Variants in GRIA3 observed in about 807,000 individuals in gnomAD.
GRIA3 encodes glutamate ionotropic receptor AMPA type subunit 3, also known as glutamate receptor 3.
Under a neutral mutation model 63.0 loss-of-function variants are expected in GRIA3, and 3 were observed. The observed-to-expected ratio is 0.05, with a 90% CI of 0.02 to 0.12. The LOEUF (loss-of-function observed/expected upper bound fraction) is 0.12, where lower values mean the gene tolerates loss of function less well. GRIA3 is among the 10% of genes least tolerant of loss of function. The pLI, the probability that GRIA3 is intolerant of heterozygous loss-of-function variation, is 1.00. For missense variants in GRIA3, 347 were observed against 700.9 expected (o/e 0.50, Z 5.70); for synonymous variants, 274 against 257.9 (o/e 1.06, Z -0.60).
intron 3 of GRIA3, among the ~76,000 whole-genome samples, chrX:123,274,734 G>A (rs2044544120): frequency 8.9e-6 from 1 of 112,202 alleles, no homozygotes; most frequent in Non-Finnish European, 1.9e-5. Context: ...CAGTGAGGCT[G>A]CCCAAATGTA....
At chrX:123,262,971 A>G (rs781178884) in intron 3 of GRIA3, among the ~76,000 whole-genome samples, 17 of 111,688 alleles carry the variant, frequency 1.5e-4, no homozygotes, top group Non-Finnish European at 2.6e-4. Flanking sequence ...AGAAAAACCA[A>G]AAAAGGAACA....
chrX:123,354,639 T>C (rs1412947157), intron 4 of GRIA3, among the ~76,000 whole-genome samples: 1 of 111,645 alleles, frequency 9.0e-6, no homozygotes, highest in South Asian at 3.8e-4. Flanking sequence ...CTTCATCACT[T>C]TTGCCATCTA....
chrX:123,191,258 G>C (rs1309036666), intron 2 of GRIA3, among the ~76,000 whole-genome samples: 1 of 112,394 alleles, frequency 8.9e-6, no homozygotes, highest in Non-Finnish European at 1.9e-5. Context: ...TATTCCTTTG[G>C]CTTTGTTACT....
At chrX:123,200,579 A>G (rs1330195994) in intron 2 of GRIA3, among the ~76,000 whole-genome samples, 1 of 92,027 alleles carries the variant, frequency 1.1e-5, no homozygotes, top group Non-Finnish European at 2.2e-5. Flanking sequence ...ATGAGCCCAT[A>G]TATATACATA....
chrX:123,335,331 C>T (rs2044967682), intron 4 of GRIA3, among the ~76,000 whole-genome samples: 1 of 111,617 alleles, frequency 9.0e-6, no homozygotes, highest in Non-Finnish European at 1.9e-5. Flanking sequence ...AGCTGTGCCA[C>T]ATATGTATAT....
chrX:123,439,524 C>T (rs1164694852), intron 12 of GRIA3, among the ~76,000 whole-genome samples: 1 of 110,871 alleles, frequency 9.0e-6, no homozygotes, highest in African/African-American at 3.3e-5. Context: ...CTCAACTTTA[C>T]TTCCTTTGAG....
At chrX:123,221,803 A>G (rs2044220627) in intron 2 of GRIA3, among the ~76,000 whole-genome samples, 1 of 111,873 alleles carries the variant, frequency 8.9e-6, no homozygotes, top group African/African-American at 3.3e-5. Context: ...CTTCCTATAC[A>G]TACTTTGTGT....
rs1440338937 is a variant in GRIA3, at chrX:123,406,441, G to A, written c.1500+1527G>A. On this transcript the variant is annotated intron_variant, in intron 10 of 15. Coordinates refer to ENST00000620443, the MANE Select transcript of GRIA3 (RefSeq NM_007325.5). ...ACTCTAGTGCTTGGGATGGAAACCA[G>A]CAAGAATAAGGTATAGCTCTCCAAT... Among the ~76,000 whole-genome samples, 4 of 111,951 alleles carry A rather than the reference G, an allele frequency of 3.6e-5. No homozygotes were observed. The East Asian group carries it at 1.1e-3, about 31-fold the overall frequency.
intron 3 of GRIA3, among the ~76,000 whole-genome samples, chrX:123,312,532 C>A (rs775587407): frequency 2.7e-5 from 3 of 112,034 alleles, no homozygotes; most frequent in South Asian, 7.5e-4. Flanking sequence ...GTGAACCAAG[C>A]CAAAGGCTTT....
chrX:123,482,396 GAA>G (rs1052123383), intron 14 of GRIA3, among the ~76,000 whole-genome samples: 8 of 111,424 alleles, frequency 7.2e-5, no homozygotes, highest in African/African-American at 2.6e-4. Flanking sequence ...GTTCCCAAAT[GAA>G]AAGAGTGTTA....
rs1312190754 is a variant in GRIA3 at position 123,481,737 on chromosome X, G to T, written c.2440-1062G>T. On this transcript the variant is annotated intron_variant, in intron 14 of 15. Transcript: ENST00000620443. ...TTCAAAGAAAGACTCCTGGCCCTTG[G>T]TGTGTCCTACCTCAAGGTAGGGCTC... Among the ~76,000 whole-genome samples the T allele has an allele frequency of 8.1e-5, 9 of 111,422 alleles. No individual in the cohort carries two copies. The Admixed American group carries it at 8.6e-4, about 11-fold the overall frequency.
At chrX:123,436,112 A>C (rs900285651) in intron 12 of GRIA3, among the ~76,000 whole-genome samples, 13 of 111,243 alleles carry the variant, frequency 1.2e-4, no homozygotes, top group African/African-American at 4.3e-4. Context: ...TGATAGGTGC[A>C]GCAAACCACC....
At chrX:123,430,278 T>C (rs113582666) in intron 12 of GRIA3, among the ~76,000 whole-genome samples, 2,048 of 111,698 alleles carry the variant, frequency 0.018, 58 homozygotes, top group African/African-American at 0.063. Flanking sequence ...GAGCTGGATA[T>C]TTCTAAGTAT....
chrX:123,441,821 AACACACAC>A (rs34401132), intron 12 of GRIA3, among the ~76,000 whole-genome samples: 1 of 105,072 alleles, frequency 9.5e-6, no homozygotes, highest in Non-Finnish European at 2.0e-5. Context: ...CCTTCCTCTG[AACACACAC>A]ACACACACAC....
At chrX:123,385,371 G>C (rs5910003) in intron 5 of GRIA3, among the ~76,000 whole-genome samples, 56,753 of 110,509 alleles carry the variant, frequency 0.51, 10,982 homozygotes, top group Middle Eastern at 0.62. Flanking sequence ...CTAATATCAT[G>C]CCGTTTTGGT....
At chrX:123,353,299 A>G (rs1028594636) in intron 4 of GRIA3, among the ~76,000 whole-genome samples, 1 of 112,122 alleles carries the variant, frequency 8.9e-6, no homozygotes, top group Admixed American at 9.5e-5. Context: ...AAGTACTGCC[A>G]AGAGTATGGG....
chrX:123,345,429 C>T (rs1300721307), intron 4 of GRIA3, among the ~76,000 whole-genome samples: 2 of 91,281 alleles, frequency 2.2e-5, no homozygotes, highest in Non-Finnish European at 4.2e-5. Context: ...GAGTGGGAGC[C>T]CCCCTTCACA....
At position 123,255,324 on chromosome X, in the gene GRIA3, A is replaced by G. The variant is rs150237853; in HGVS notation, c.508+1782A>G. On this transcript the variant is annotated intron_variant, in intron 3 of 15. Transcript: ENST00000620443. ...GGCCAGGAAGGAACACTGTGTGTTC[A>G]GGTAGAGCCCTGTCTGACTGAGATA... is the stretch of plus-strand genomic sequence containing the variant. 5.6e-3 allele frequency among the ~76,000 whole-genome samples: 626 copies of G among 111,858 alleles called. 5 individuals are homozygous for G. Among genetic ancestry groups the G allele is most frequent in the African/African-American group, 0.019 (599 of 30,843 alleles).
At chrX:123,288,526 G>T (rs1046737091) in intron 3 of GRIA3, among the ~76,000 whole-genome samples, 1 of 111,227 alleles carries the variant, frequency 9.0e-6, no homozygotes, top group Non-Finnish European at 1.9e-5. Context: ...TCTGACAAAG[G>T]GCTAATATCC....
Sources: gnomAD v4.1 joint callset for allele counts (sites outside exome capture counted in the v4.1 genomes callset) on GRCh38, gnomAD v4.1.1 for gene constraint, MANE v1.5 for transcripts, NCBI Gene and HGNC (gene_info 2026-07-23, HGNC 2026-07-21) for gene names.